Variants in RNF213 observed in about 807,000 individuals in gnomAD.
The protein encoded by RNF213 is E3 ubiquitin-protein ligase RNF213.
A neutral mutation model predicts 514.4 loss-of-function variants in RNF213; 341 were observed. The ratio of observed to expected loss-of-function variants is 0.66; its 90% CI spans 0.61 to 0.73. The LOEUF is 0.73. RNF213 is among the 30% of genes least tolerant of loss of function. The probability of loss-of-function intolerance (pLI) is 0.00; values close to 1 mark genes in which losing one functional copy is unlikely to be tolerated. For missense variants in RNF213, 5,767 were observed against 6,615.6 expected (o/e 0.87, Z 4.45); for synonymous variants, 2,655 against 2,658.2 (o/e 1.00, Z 0.04).
At chr17:80,270,363 GA>G (rs2145124309) in intron 2 of RNF213, among the ~76,000 whole-genome samples, 1 of 152,348 alleles carries the variant, frequency 6.6e-6, no homozygotes, top group East Asian at 1.9e-4. Context: ...TGGCCGTCTG[GA>G]GGACAGATTC....
At position 80,295,522 on chromosome 17, in the gene RNF213, A is replaced by C. The variant is rs200004017; in HGVS notation, c.1756-35A>C. The C allele has an allele frequency of 5.0e-6, 8 of 1,613,488 alleles. No individual in the cohort carries two copies. The African/African-American group carries it at 1.1e-4, about 22-fold the overall frequency. Reference sequence around the variant, plus strand: ...GGACACTGCCGGTGAATTCAAGTCCATGGTTCATGCATCTTCCTCTTCTCC... The same window carrying C: ...GGACACTGCCGGTGAATTCAAGTCCCTGGTTCATGCATCTTCCTCTTCTCC... On this transcript the variant is annotated intron_variant, in intron 9 of 67. Coordinates refer to ENST00000582970, the MANE Select transcript of RNF213 (RefSeq NM_001256071.3).
At position 80,288,457 on chromosome 17, in the gene RNF213, G is replaced by A. The variant is rs2044557890; in HGVS notation, c.810+94G>A. On this transcript the variant is annotated intron_variant, in intron 4 of 67. Coordinates refer to ENST00000582970, the MANE Select transcript of RNF213 (RefSeq NM_001256071.3). The surrounding 1 kb of genome is among the most constrained non-coding windows in gnomAD (Gnocchi z 4.9). ...TGCTGGCGTTGCTTCCCTGCCGGGGGGAGGGGCGTCCTCTGGGCCCTGCTC... is the reference window on the plus strand; with the variant it reads ...TGCTGGCGTTGCTTCCCTGCCGGGGAGAGGGGCGTCCTCTGGGCCCTGCTC... The A allele has an allele frequency of 6.3e-7, 1 of 1,597,256 alleles. No individual in the cohort carries two copies. The highest frequency in any genetic ancestry group is 8.5e-7 in the Non-Finnish European group (1 of 1,171,130).
At chr17:80,324,598 G>A (rs2046230341) in intron 17 of RNF213, among the ~76,000 whole-genome samples, 1 of 152,042 alleles carries the variant, frequency 6.6e-6, no homozygotes, top group South Asian at 2.1e-4. Flanking sequence ...TTTCTCGGAG[G>A]AGAATTAAAA....
intron 36 of RNF213, among the ~76,000 whole-genome samples, chr17:80,355,750 G>A (rs1385453083): frequency 7.5e-6 from 1 of 133,924 alleles, no homozygotes; most frequent in Non-Finnish European, 1.6e-5. Context: ...GGCTCACGGA[G>A]GAAGAAGCGG....
Position 80,353,005 on chromosome 17 carries a change from A to G in RNF213, c.10369A>G (p.Arg3457Gly). ...RSTLMVSDVT[R>G]LQHVTISQLF... is the part of the protein sequence containing the mutation. ...CACCCTCATGGTTTCTGATGTGACC[A>G]GGCTGCAGCATGTCACCATCAGCCA... The change falls in exon 33 of 68, where the codon AGG (arginine) becomes GGG (glycine). Residue 3457 changes from arginine (R) to glycine (G), a missense_variant. By Grantham distance (125) the Arg-to-Gly change is moderately radical. Transcript: ENST00000582970. The surrounding 1 kb of genome is among the most constrained non-coding windows in gnomAD (Gnocchi z 5.0). 1 of 1,613,852 alleles carries G rather than the reference A, an allele frequency of 6.2e-7. No individual in the cohort carries two copies. The highest frequency in any genetic ancestry group is 8.5e-7 in the Non-Finnish European group (1 of 1,180,020).
intron 39 of RNF213, among the ~76,000 whole-genome samples, 193 bp downstream of exon 39, chr17:80,362,081 A>G (rs1242685694): frequency 1.3e-5 from 2 of 152,216 alleles, no homozygotes; most frequent in East Asian, 3.9e-4. Context: ...CTACACCCTC[A>G]GTCCACCGCC....
At position 80,396,440 on chromosome 17, in the gene RNF213, G is replaced by A. The variant is rs2080663075; in HGVS notation, c.*2942G>A. ...CAGTGATAAATATTGGGAAGAAAAT[G>A]TCAGCTCAGGGCCAAGTAGGTAAAG... On this transcript the variant is annotated 3_prime_UTR_variant, in exon 68 of 68. Coordinates refer to ENST00000582970, the MANE Select transcript of RNF213 (RefSeq NM_001256071.3). 1 of 152,138 alleles carries A rather than the reference G, an allele frequency of 6.6e-6. No individual in the cohort carries two copies. Among genetic ancestry groups the A allele is most frequent in the African/African-American group, 2.4e-5 (1 of 41,420 alleles). The allele number at this position is 152,138 out of a possible 1,614,324, so 9.4% of individuals were successfully genotyped here. A position where few individuals can be genotyped will look rare whatever the true frequency, so the allele number is the denominator to read the frequency against.
intron 3 of RNF213, chr17:80,278,828 C>A: frequency 6.5e-7 from 1 of 1,537,238 alleles, no homozygotes; most frequent in Non-Finnish European, 8.7e-7. Flanking sequence ...TGGGAAGCTG[C>A]TAATGCCATA....
Position 80,347,468 on chromosome 17 carries a change from C to T in RNF213, c.9133C>T (p.Leu3045=). 6.2e-7 allele frequency: 1 copy of T among 1,614,072 alleles called. No individual in the cohort carries two copies. The highest frequency in any genetic ancestry group is 8.5e-7 in the Non-Finnish European group (1 of 1,180,046). Reference sequence around the variant, plus strand: ...TGCTGAGTCCCGCTACTTACTCGTGCTGACCAAAAACTACGTGGCACTGCA... The same window carrying T: ...TGCTGAGTCCCGCTACTTACTCGTGTTGACCAAAAACTACGTGGCACTGCA... ...EDAESRYLLV[L]TKNYVALQIL... The change falls in exon 29 of 68, where the codon CTG becomes TTG. Residue 3045 remains leucine, a synonymous_variant. Transcript: ENST00000582970. The surrounding 1 kb of genome is among the most constrained non-coding windows in gnomAD (Gnocchi z 7.2).
chr17:80,322,065 A>G (rs1357774482), intron 17 of RNF213, among the ~76,000 whole-genome samples: 1 of 151,742 alleles, frequency 6.6e-6, no homozygotes, highest in African/African-American at 2.4e-5. Flanking sequence ...AACTAATGAT[A>G]TCAAGCATCT....
At chr17:80,334,394 G>C in intron 22 of RNF213, 124 bp downstream of exon 22, 2 of 1,031,536 alleles carry the variant, frequency 1.9e-6, no homozygotes. Context: ...AGGGCAGAAA[G>C]ACGTTGCCTG....
rs757991356 is a variant in RNF213, at chr17:80,345,140, A to G, written c.6805A>G (p.Thr2269Ala). The change falls in exon 29 of 68, where the codon ACC becomes GCC. Residue 2269 changes from threonine (T) to alanine (A), a missense_variant. Coordinates refer to ENST00000582970, the MANE Select transcript of RNF213 (RefSeq NM_001256071.3). This position sits in a 1 kb window ranked among gnomAD's most constrained non-coding sequence, Gnocchi z 6.0. ...ARDFATPSLH[T>A]SDQSPGKHMV... ...AGATTTTGCCACACCATCACTCCAC[A>G]CCTCTGACCAAAGCCCGGGGAAGCA... is the stretch of plus-strand genomic sequence containing the variant. 6.8e-6 allele frequency: 11 copies of G among 1,613,820 alleles called. No homozygotes were observed. In the South Asian group the frequency reaches 1.2e-4, roughly 18 times the overall value.
chr17:80,356,202 A>G (rs143618176), intron 36 of RNF213, among the ~76,000 whole-genome samples: 4 of 152,116 alleles, frequency 2.6e-5, no homozygotes, highest in African/African-American at 9.7e-5. Flanking sequence ...AGATTTCACC[A>G]TGTTGGCCAG....
intron 2 of RNF213, 87 bp from the exon 3 acceptor site, chr17:80,273,154 C>T (rs2043883199): frequency 6.5e-7 from 1 of 1,538,720 alleles, no homozygotes; most frequent in Admixed American, 1.7e-5. Flanking sequence ...TGAATCTCTC[C>T]ATGCACTCGT....
Position 80,393,487 on chromosome 17 carries a change from G to T in RNF213, c.15613G>T (p.Glu5205Ter). ...AGCTGCTGTGCTGAAATGGAATCGA[G>T]AAATGAGATAGAATTATTTCCTCAG... ...KTAAVLKWNR[E>*]MR The change falls in exon 68 of 68, where the codon GAA (glutamate) becomes TAA (stop). Residue 5205 changes from glutamate to a stop codon, truncating the protein, a stop_gained. Coordinates refer to ENST00000582970, the MANE Select transcript of RNF213 (RefSeq NM_001256071.3). LOFTEE classifies it high-confidence loss of function. 6.2e-7 allele frequency: 1 copy of T among 1,614,178 alleles called. No individual in the cohort carries two copies. Among genetic ancestry groups the T allele is most frequent in the Non-Finnish European group, 8.5e-7 (1 of 1,180,020 alleles).
At chr17:80,328,032 A>G (rs1407822476) in intron 19 of RNF213, 43 bp downstream of exon 19, 1 of 1,530,712 alleles carries the variant, frequency 6.5e-7, no homozygotes, top group Non-Finnish European at 8.8e-7. Flanking sequence ...CTGAGGCATT[A>G]AGTAGCTGGA....
chr17:80,358,077 AGTTCC>A (rs945931445), intron 36 of RNF213, among the ~76,000 whole-genome samples: 40 of 152,260 alleles, frequency 2.6e-4, no homozygotes, highest in African/African-American at 9.4e-4. Context: ...GTTCCATTCC[AGTTCC>A]GTCTCTAATC....
At chr17:80,391,939 T>G (rs533825368) in intron 67 of RNF213, among the ~76,000 whole-genome samples, 1 of 151,902 alleles carries the variant, frequency 6.6e-6, no homozygotes, top group Non-Finnish European at 1.5e-5. Flanking sequence ...GCTAATTTTT[T>G]TGTACTTTTA....
Position 80,295,620 on chromosome 17 carries a change from A to G in RNF213, c.1819A>G (p.Thr607Ala). The G allele has an allele frequency of 1.2e-6, 2 of 1,614,180 alleles. No homozygotes were observed. The highest frequency in any genetic ancestry group is 1.1e-5 in the South Asian group (1 of 91,074). Residue 607 changes from threonine (T) to alanine (A), a missense_variant, in exon 10 of 68, where the codon ACG becomes GCG. By Grantham distance (58) the Thr-to-Ala change is moderately conservative. Coordinates refer to ENST00000582970, the MANE Select transcript of RNF213 (RefSeq NM_001256071.3). ...HVVPLPDGKS[T>A]DFLPVDCPVR... ...GGTACCATTGCCGGACGGAAAAAGC[A>G]CGGACTTTTTGCCTGTGGACTGCCC...
Sources: gnomAD v4.1 joint callset for allele counts (sites outside exome capture counted in the v4.1 genomes callset) on GRCh38, gnomAD v4.1.1 for gene constraint, Gnocchi (gnomAD v3.1) non-coding constraint, MANE v1.5 for transcripts, NCBI Gene and HGNC (gene_info 2026-07-23, HGNC 2026-07-21) for gene names.